ZBTB20: variants seen among roughly 807,000 people sequenced by gnomAD.
ZBTB20 encodes the protein zinc finger and BTB domain containing 20, also known as zinc finger and BTB domain-containing protein 20.
In ZBTB20, 9 loss-of-function variants were observed where a neutral mutation model predicts 56.9. That is an observed-to-expected ratio of 0.16 (90% CI 0.10 to 0.28). ZBTB20 has a LOEUF of 0.28. ZBTB20 is among the 10% of genes least tolerant of loss of function. The pLI is 1.00. For synonymous variants in ZBTB20, 417 were observed against 420.7 expected, an observed-to-expected ratio of 0.99 and a Z score of 0.11; for missense variants, 655 against 1,003.0, an observed-to-expected ratio of 0.65 and a Z score of 4.69.
intron 6 of ZBTB20, among the ~76,000 whole-genome samples, chr3:114,590,855 A>C (rs1577806684): frequency 6.6e-6 from 1 of 152,326 alleles, no homozygotes; most frequent in East Asian, 1.9e-4. Flanking sequence ...TTCCAGAAAG[A>C]TATGACTCTA....
chr3:114,857,962 A>G (rs981649330), intron 4 of ZBTB20, among the ~76,000 whole-genome samples: 1 of 152,236 alleles, frequency 6.6e-6, no homozygotes, highest in Non-Finnish European at 1.5e-5. Context: ...AAAGAATTAG[A>G]AGACGATTAA....
chr3:115,057,210 T>C (rs576636158), intron 2 of ZBTB20, among the ~76,000 whole-genome samples: 24 of 152,280 alleles, frequency 1.6e-4, no homozygotes, highest in South Asian at 8.3e-4. Flanking sequence ...TAAGAAAGTT[T>C]AAATCCATTA....
At chr3:115,022,759 T>C (rs1202424915) in intron 2 of ZBTB20, among the ~76,000 whole-genome samples, 1 of 151,062 alleles carries the variant, frequency 6.6e-6, no homozygotes, top group Admixed American at 6.6e-5. Context: ...AAGCCATTTA[T>C]CTTGGGTGGT....
chr3:114,546,207 C>G (rs1463044780), intron 6 of ZBTB20, among the ~76,000 whole-genome samples: 1 of 152,170 alleles, frequency 6.6e-6, no homozygotes, highest in Non-Finnish European at 1.5e-5. Context: ...TAGAGTCACA[C>G]TTGTGCTTTG....
intron 6 of ZBTB20, among the ~76,000 whole-genome samples, chr3:114,591,790 G>C (rs556100896): frequency 2.6e-5 from 4 of 152,216 alleles, no homozygotes; most frequent in African/African-American, 9.6e-5. Flanking sequence ...CCTCTGAAGT[G>C]GTTAGTTATA....
At chr3:114,668,630 A>C (rs1419194775) in intron 6 of ZBTB20, among the ~76,000 whole-genome samples, 2 of 152,008 alleles carry the variant, frequency 1.3e-5, no homozygotes, top group African/African-American at 2.4e-5. Context: ...GGTGCTTCTA[A>C]GGGTAAAATA....
intron 7 of ZBTB20, among the ~76,000 whole-genome samples, chr3:114,390,639 T>C (rs1029524832): frequency 2.6e-5 from 4 of 152,216 alleles, no homozygotes; most frequent in African/African-American, 9.7e-5. Context: ...CAATCACTTC[T>C]CCATGGAGAG....
chr3:114,515,573 T>A (rs1302295317), intron 6 of ZBTB20, among the ~76,000 whole-genome samples: 5 of 152,206 alleles, frequency 3.3e-5, no homozygotes, highest in Non-Finnish European at 7.3e-5. Flanking sequence ...TTTCATTCAT[T>A]ACTCTATTTA....
At chr3:114,482,099 A>G (rs1415508164) in intron 7 of ZBTB20, among the ~76,000 whole-genome samples, 1 of 152,128 alleles carries the variant, frequency 6.6e-6, no homozygotes, top group Non-Finnish European at 1.5e-5. Context: ...GTCTAGGACT[A>G]TGGACTTAAG....
At chr3:114,956,760 A>G (rs2077261156) in intron 3 of ZBTB20, among the ~76,000 whole-genome samples, 1 of 152,188 alleles carries the variant, frequency 6.6e-6, no homozygotes, top group Admixed American at 6.5e-5. Flanking sequence ...ATTTTCCTCA[A>G]TCAACAACAT....
intron 7 of ZBTB20, among the ~76,000 whole-genome samples, chr3:114,446,170 T>G (rs1000299747): frequency 6.6e-6 from 1 of 152,182 alleles, no homozygotes; most frequent in Non-Finnish European, 1.5e-5. Flanking sequence ...CATTACTGTT[T>G]ATATGTTATA....
At chr3:114,614,872 C>T (rs898449623) in intron 6 of ZBTB20, among the ~76,000 whole-genome samples, 2 of 152,124 alleles carry the variant, frequency 1.3e-5, no homozygotes. Context: ...ATTCTCCTGC[C>T]TTAGCCTCCC....
At chr3:114,874,428 A>G (rs1262274813) in intron 4 of ZBTB20, among the ~76,000 whole-genome samples, 2 of 152,218 alleles carry the variant, frequency 1.3e-5, no homozygotes, top group Non-Finnish European at 2.9e-5. Context: ...ATATGAACAT[A>G]TTGCTATAAA....
intron 6 of ZBTB20, among the ~76,000 whole-genome samples, chr3:114,564,350 G>A (rs1559965777): frequency 6.6e-6 from 1 of 152,074 alleles, no homozygotes; most frequent in Non-Finnish European, 1.5e-5. Flanking sequence ...CATCTTCGGT[G>A]GGGTGGGGAG....
At chr3:114,623,363 T>C (rs908402113) in intron 6 of ZBTB20, among the ~76,000 whole-genome samples, 1 of 152,180 alleles carries the variant, frequency 6.6e-6, no homozygotes, top group Admixed American at 6.5e-5. Flanking sequence ...CAGTGTCCCT[T>C]AAATTGAGGA....
chr3:114,511,597 A>G (rs1470063764), intron 6 of ZBTB20, among the ~76,000 whole-genome samples: 2 of 152,130 alleles, frequency 1.3e-5, no homozygotes, highest in Non-Finnish European at 2.9e-5. Context: ...ACACTATTAA[A>G]TACACAGGAA....
intron 6 of ZBTB20, among the ~76,000 whole-genome samples, chr3:114,671,033 G>T (rs1229715511): frequency 1.3e-5 from 2 of 152,082 alleles, no homozygotes; most frequent in Non-Finnish European, 2.9e-5. Context: ...GGTATTTGTT[G>T]ACCTACATTA....
At chr3:114,770,824 G>A (rs1326890278) in intron 5 of ZBTB20, among the ~76,000 whole-genome samples, 1 of 152,120 alleles carries the variant, frequency 6.6e-6, no homozygotes, top group Non-Finnish European at 1.5e-5. Context: ...TCGGATTTTG[G>A]AATATTTGCA....
chr3:115,006,636 A>G (rs1308930319), intron 2 of ZBTB20, among the ~76,000 whole-genome samples: 1 of 151,576 alleles, frequency 6.6e-6, no homozygotes, highest in Non-Finnish European at 1.5e-5. Flanking sequence ...GAATCATATA[A>G]CCGTAGCAAA....
Sources: allele counts gnomAD v4.1 joint callset (sites outside exome capture counted in the v4.1 genomes callset), GRCh38; gene constraint gnomAD v4.1.1; transcripts MANE v1.5; gene names NCBI Gene and HGNC (gene_info 2026-07-23, HGNC 2026-07-21).